PCDHA13: variants seen among roughly 807,000 people sequenced by gnomAD.
PCDHA13 encodes the protein protocadherin alpha-13.
PCDHA13 carries 54 observed loss-of-function variants against 64.8 expected under a neutral mutation model. The ratio of observed to expected loss-of-function variants is 0.83; its 90% CI spans 0.67 to 1.04. The LOEUF (loss-of-function observed/expected upper bound fraction) is 1.04. Ranked by LOEUF, PCDHA13 falls within the 50% of genes least tolerant of loss-of-function variation. PCDHA13 has a pLI of 0.00. For synonymous variants in PCDHA13, 587 were observed against 564.4 expected, an observed-to-expected ratio of 1.04 and a Z score of -0.57; for missense variants, 1,248 against 1,254.3, an observed-to-expected ratio of 0.99 and a Z score of 0.08.
chr5:141,003,044 T>C (rs1459180030), intron 3 of PCDHA13, among the ~76,000 whole-genome samples: 1 of 152,230 alleles, frequency 6.6e-6, no homozygotes, highest in African/African-American at 2.4e-5. Flanking sequence ...CCTCCTGGCC[T>C]TAACAGAACA....
chr5:140,976,466 G>C (rs1404890940), intron 1 of PCDHA13, among the ~76,000 whole-genome samples: 1 of 152,104 alleles, frequency 6.6e-6, no homozygotes, highest in African/African-American at 2.4e-5. Flanking sequence ...AAGAAGAATT[G>C]CTTGAATCCG....
intron 1 of PCDHA13, among the ~76,000 whole-genome samples, chr5:140,948,544 G>A (rs2094271073): frequency 1.3e-5 from 2 of 151,392 alleles, no homozygotes; most frequent in Admixed American, 1.3e-4. Flanking sequence ...TTCATGCTCT[G>A]TCAATTTTGT....
chr5:140,916,229 A>G (rs2077489205), intron 1 of PCDHA13, among the ~76,000 whole-genome samples: 2 of 152,190 alleles, frequency 1.3e-5, no homozygotes, highest in African/African-American at 4.8e-5. Flanking sequence ...TATGCTTTCC[A>G]GGAGCCAAAG....
chr5:140,977,925 A>T (rs782072280), intron 1 of PCDHA13, among the ~76,000 whole-genome samples: 4 of 152,152 alleles, frequency 2.6e-5, no homozygotes, highest in African/African-American at 7.2e-5. Context: ...TTTTCATTCA[A>T]CTATACCTCA....
At chr5:140,934,690 T>C (rs1263392505) in intron 1 of PCDHA13, among the ~76,000 whole-genome samples, 1 of 152,198 alleles carries the variant, frequency 6.6e-6, no homozygotes, top group Non-Finnish European at 1.5e-5. Flanking sequence ...AAACAATGAA[T>C]TGATTCCTGG....
At chr5:140,902,043 G>A (rs1294111308) in intron 1 of PCDHA13, among the ~76,000 whole-genome samples, 2 of 151,980 alleles carry the variant, frequency 1.3e-5, no homozygotes, top group Non-Finnish European at 2.9e-5. Flanking sequence ...TTTGTATGTT[G>A]ATTTTGTATC....
intron 1 of PCDHA13, chr5:140,926,753 G>C (rs1431209513): frequency 3.5e-5 from 44 of 1,268,526 alleles, no homozygotes; most frequent in Non-Finnish European, 4.4e-5. Context: ...GTCGGCGGTC[G>C]CTGAGTATCC....
intron 3 of PCDHA13, among the ~76,000 whole-genome samples, chr5:140,988,599 G>A (rs782117836): frequency 6.6e-6 from 1 of 152,154 alleles, no homozygotes; most frequent in Non-Finnish European, 1.5e-5. Flanking sequence ...TAATGGTCAT[G>A]TAAATAAAAG....
At chr5:140,990,224 G>T (rs1368393390) in intron 3 of PCDHA13, among the ~76,000 whole-genome samples, 1 of 152,160 alleles carries the variant, frequency 6.6e-6, no homozygotes, top group Non-Finnish European at 1.5e-5. Flanking sequence ...GAAGTTTATT[G>T]TAACTAGCGT....
At position 141,010,632 on chromosome 5, in the gene PCDHA13, A is replaced by G. The variant is rs782191972; in HGVS notation, c.*695A>G. The G allele has an allele frequency of 1.6e-5, 3 of 185,902 alleles. No individual in the cohort carries two copies. Among genetic ancestry groups the G allele is most frequent in the Non-Finnish European group, 3.4e-5 (3 of 88,214 alleles). The allele number at this position is 185,902 out of a possible 1,614,324, so 11.5% of individuals were successfully genotyped here. On this transcript the variant is annotated 3_prime_UTR_variant, in exon 4 of 4. Coordinates refer to ENST00000289272, the MANE Select transcript of PCDHA13 (RefSeq NM_018904.3). ...ACCTAAAATCTGCATCATACCTGCAAGCCAACAGTTCAGTGTTTTAACAGA... is the reference window on the plus strand; with the variant it reads ...ACCTAAAATCTGCATCATACCTGCAGGCCAACAGTTCAGTGTTTTAACAGA...
chr5:140,955,889 GT>G (rs1305358742), intron 1 of PCDHA13, among the ~76,000 whole-genome samples: 2 of 151,880 alleles, frequency 1.3e-5, no homozygotes, highest in Non-Finnish European at 2.9e-5. Flanking sequence ...ATTCCTAGGT[GT>G]TTTATTCTCT....
chr5:140,912,007 C>A lies in PCDHA13; in HGVS notation c.2394+27345C>A, dbSNP rs572487277. Among the ~76,000 whole-genome samples, 3 of 152,282 alleles carry A rather than the reference C, an allele frequency of 2.0e-5. No homozygotes were observed. The East Asian group carries it at 5.8e-4, about 29-fold the overall frequency. On this transcript the variant is annotated intron_variant, in intron 1 of 3. Coordinates refer to ENST00000289272, the MANE Select transcript of PCDHA13 (RefSeq NM_018904.3). ...ACAAGGTCCCACAATAGGCCATCTGCAAGCTGAGGAGCAAGCAAGCCAATC... is the reference window on the plus strand; with the variant it reads ...ACAAGGTCCCACAATAGGCCATCTGAAAGCTGAGGAGCAAGCAAGCCAATC...
chr5:140,927,440 C>G (rs782460713), intron 1 of PCDHA13: 2 of 1,614,168 alleles, frequency 1.2e-6, no homozygotes, highest in East Asian at 4.5e-5. Flanking sequence ...AGCGAATACC[C>G]GGAGTTGGTG....
intron 1 of PCDHA13, among the ~76,000 whole-genome samples, chr5:140,935,903 T>TTC (rs1289164766): frequency 4.6e-4 from 69 of 151,456 alleles, no homozygotes; most frequent in African/African-American, 1.6e-3. Flanking sequence ...TCTTTTTTTT[T>TTC]TTTTTTTGAG....
intron 1 of PCDHA13, among the ~76,000 whole-genome samples, chr5:140,905,881 T>C (rs1241086266): frequency 1.3e-5 from 2 of 152,080 alleles, no homozygotes; most frequent in Non-Finnish European, 2.9e-5. Context: ...GGCCCAACAA[T>C]AGGCCATCTG....
chr5:140,975,503 CT>C (rs1189456467), intron 1 of PCDHA13, among the ~76,000 whole-genome samples: 3 of 152,178 alleles, frequency 2.0e-5, no homozygotes, highest in Non-Finnish European at 4.4e-5. Flanking sequence ...TAAAATAGCA[CT>C]ATGCAAAATC....
chr5:140,911,583 G>C (rs1245667621), intron 1 of PCDHA13, among the ~76,000 whole-genome samples: 4 of 152,150 alleles, frequency 2.6e-5, no homozygotes, highest in African/African-American at 7.2e-5. Context: ...GTGAACTTAG[G>C]AGGAACCAAC....
chr5:140,883,091 G>A lies in PCDHA13; in HGVS notation c.823G>A (p.Gly275Arg), dbSNP rs782433695. The A allele has an allele frequency of 1.9e-6, 3 of 1,613,994 alleles. No individual in the cohort carries two copies. In the African/African-American group the frequency reaches 4.0e-5, roughly 22 times the overall value. ...CACAGATCCTGATGATGGTACAAAT[G>A]GAGATATAGTTTACTCATTTAGAAG... The part of the protein sequence containing the change: ...NATDPDDGTN[G>R]DIVYSFRRPV... The change falls in exon 1 of 4, where the codon GGA becomes AGA. Residue 275 changes from glycine to arginine, a missense_variant. Physicochemically the swap from Gly to Arg is moderately radical, Grantham distance 125. Coordinates refer to ENST00000289272, the MANE Select transcript of PCDHA13 (RefSeq NM_018904.3).
At chr5:140,992,761 A>G (rs1400429465) in intron 3 of PCDHA13, among the ~76,000 whole-genome samples, 1 of 152,180 alleles carries the variant, frequency 6.6e-6, no homozygotes, top group African/African-American at 2.4e-5. Flanking sequence ...TGTTGGGGAT[A>G]GGAGGGTGGG....
Sources: allele counts gnomAD v4.1 joint callset (sites outside exome capture counted in the v4.1 genomes callset), GRCh38; gene constraint gnomAD v4.1.1; transcripts MANE v1.5; gene names NCBI Gene and HGNC (gene_info 2026-07-23, HGNC 2026-07-21).